The following SLC27A6 variants were observed in gnomAD, a reference collection of about 807,000 sequenced individuals.
SLC27A6 encodes long-chain fatty acid transport protein 6.
In SLC27A6, 74 loss-of-function variants were observed where a neutral mutation model predicts 63.9. The observed-to-expected ratio is 1.16, with a 90% CI of 0.96 to 1.40. The LOEUF is 1.40. Ranked by LOEUF, SLC27A6 falls within the 40% of genes most tolerant of loss-of-function variation. The probability of loss-of-function intolerance (pLI) is 0.00; values close to 1 mark genes in which losing one functional copy is unlikely to be tolerated. For missense variants in SLC27A6, 794 were observed against 732.9 expected, an observed-to-expected ratio of 1.08 and a Z score of -0.96; for synonymous variants, 287 against 260.8, an observed-to-expected ratio of 1.10 and a Z score of -0.97.
At chr5:128,967,045 A>G (rs1305664395) in intron 1 of SLC27A6, among the ~76,000 whole-genome samples, 1 of 152,186 alleles carries the variant, frequency 6.6e-6, no homozygotes, top group Non-Finnish European at 1.5e-5. Context: ...GTTTAAAGGA[A>G]GGTACCTGAA....
At chr5:128,983,063 T>C (rs1409196347) in intron 1 of SLC27A6, among the ~76,000 whole-genome samples, 3 of 152,168 alleles carry the variant, frequency 2.0e-5, no homozygotes, top group Admixed American at 1.3e-4. Context: ...ATGTATTTCA[T>C]TGTAGTAGAA....
In SLC27A6 at chr5:129,033,542, T is replaced by C. The variant is rs142110576; in HGVS notation, c.*260T>C. 1.1e-3 allele frequency: 206 copies of C among 182,750 alleles called. 4 individuals carry two copies. In the East Asian group the frequency reaches 0.024, roughly 21 times the overall value. The allele number at this position is 182,750 out of a possible 1,614,324, so 11.3% of individuals were successfully genotyped here. ...CCTTAATACTAAAGATTTTAAATAA[T>C]AAATAGTGGCTAGCGGTTTGGACAA... is the stretch of plus-strand genomic sequence containing the variant. On this transcript the variant is annotated 3_prime_UTR_variant, in exon 10 of 10. Transcript: ENST00000262462.
At chr5:128,985,038 C>T in intron 1 of SLC27A6, 95 bp from the exon 2 acceptor site, 1 of 781,242 alleles carries the variant, frequency 1.3e-6, no homozygotes. Context: ...ATTTTATTTA[C>T]ATTTTATCCC....
intron 8 of SLC27A6, among the ~76,000 whole-genome samples, chr5:129,029,264 T>A: frequency 6.6e-6 from 1 of 152,198 alleles, no homozygotes; most frequent in African/African-American, 2.4e-5. Flanking sequence ...TAAATAAATG[T>A]TTTCTTTCTT....
intron 4 of SLC27A6, among the ~76,000 whole-genome samples, chr5:129,009,576 A>T (rs1010694105): frequency 1.3e-5 from 2 of 152,192 alleles, no homozygotes; most frequent in Non-Finnish European, 2.9e-5. Context: ...TTCATTCCTT[A>T]TAAATAATAA....
intron 1 of SLC27A6, among the ~76,000 whole-genome samples, chr5:128,984,737 G>A (rs931112544): frequency 3.3e-5 from 5 of 152,224 alleles, no homozygotes; most frequent in African/African-American, 1.2e-4. Flanking sequence ...GAACTGAAGA[G>A]TAACCTGCAG....
chr5:128,971,060 G>A (rs36171961), intron 1 of SLC27A6, among the ~76,000 whole-genome samples: 36,614 of 152,042 alleles, frequency 0.24, 4,949 homozygotes, highest in Middle Eastern at 0.33. Flanking sequence ...CCATGTAGTT[G>A]TGCGGTTTTG....
chr5:128,972,321 AG>A (rs1750202202), intron 1 of SLC27A6, among the ~76,000 whole-genome samples: 1 of 152,112 alleles, frequency 6.6e-6, no homozygotes, highest in Non-Finnish European at 1.5e-5. Flanking sequence ...CTTGCTAGGT[AG>A]GGTAAGTTCT....
At position 129,009,798 on chromosome 5, in the gene SLC27A6, C is replaced by G. The variant is rs1364746337; in HGVS notation, c.970-6087C>G. On this transcript the variant is annotated intron_variant, in intron 4 of 9. Transcript: ENST00000262462. ...CAAGCAATTCTCCTGCCTCAGCCTC[C>G]TGAGTAGCTGGGACTACAGGTGCAC... Among the ~76,000 whole-genome samples the G allele has an allele frequency of 4.6e-5, 7 of 152,178 alleles. No homozygotes were observed. In the South Asian group the frequency reaches 1.2e-3, roughly 27 times the overall value.
At chr5:128,974,522 T>G (rs764164575) in intron 1 of SLC27A6, among the ~76,000 whole-genome samples, 2 of 152,224 alleles carry the variant, frequency 1.3e-5, no homozygotes, top group African/African-American at 2.4e-5. Context: ...AAATACTGTG[T>G]TGTTGGCATC....
chr5:129,018,192 C>G (rs1751970422), intron 5 of SLC27A6, among the ~76,000 whole-genome samples: 1 of 152,042 alleles, frequency 6.6e-6, no homozygotes, highest in African/African-American at 2.4e-5. Flanking sequence ...TTTAAGAATC[C>G]CATAATGCGA....
At chr5:128,984,110 T>C (rs1750705292) in intron 1 of SLC27A6, among the ~76,000 whole-genome samples, 1 of 152,166 alleles carries the variant, frequency 6.6e-6, no homozygotes, top group Admixed American at 6.5e-5. Flanking sequence ...AAAGTTGAAC[T>C]TCATGTCAGA....
At position 128,990,319 on chromosome 5, in the gene SLC27A6, TG is replaced by T; in HGVS notation, c.845-20del. 2.5e-6 allele frequency: 4 copies of T among 1,605,972 alleles called. No homozygotes were observed. The highest frequency in any genetic ancestry group is 3.4e-6 in the Non-Finnish European group (4 of 1,177,950). Reference sequence around the variant, plus strand: ...CCTTTGAATTTTTTTCCCTAGTGCCTGTTTTTGTCTTTTCTTATAGGTGCCA... The same window carrying T: ...CCTTTGAATTTTTTTCCCTAGTGCCTTTTTTGTCTTTTCTTATAGGTGCCA... On this transcript the variant is annotated intron_variant, in intron 3 of 9. Transcript: ENST00000262462.
chr5:129,022,575 C>G (rs1752109625), intron 5 of SLC27A6, among the ~76,000 whole-genome samples: 1 of 152,028 alleles, frequency 6.6e-6, no homozygotes, highest in Admixed American at 6.6e-5. Context: ...ATTATTTTAT[C>G]TCACTTCATT....
At chr5:128,995,655 C>T (rs893513864) in intron 4 of SLC27A6, among the ~76,000 whole-genome samples, 1 of 151,912 alleles carries the variant, frequency 6.6e-6, no homozygotes, top group Admixed American at 6.6e-5. Context: ...GGGAGGTTGC[C>T]GTCATGACAG....
chr5:128,974,340 G>A (rs1750301547), intron 1 of SLC27A6, among the ~76,000 whole-genome samples: 1 of 152,198 alleles, frequency 6.6e-6, no homozygotes, highest in Non-Finnish European at 1.5e-5. Context: ...TTTAAGCCAA[G>A]ACTATTTAGT....
intron 1 of SLC27A6, among the ~76,000 whole-genome samples, chr5:128,978,971 A>G (rs921476690): frequency 1.3e-5 from 2 of 152,112 alleles, no homozygotes; most frequent in African/African-American, 4.8e-5. Context: ...CCTAGGAGCG[A>G]TAGGCTATAT....
rs548302087 is a variant in SLC27A6, at chr5:128,976,135, A to G, written c.482-8998A>G. On this transcript the variant is annotated intron_variant, in intron 1 of 9. Transcript: ENST00000262462. The stretch of plus-strand genomic sequence containing the variant: ...AAAGTAAAACAGATACCATGTATGG[A>G]TATCATAGTATGTAGGTAAGATAAT... Among the ~76,000 whole-genome samples the G allele has an allele frequency of 9.8e-5, 15 of 152,324 alleles. No homozygotes were observed. The East Asian group carries it at 2.9e-3, about 29-fold the overall frequency.
intron 1 of SLC27A6, among the ~76,000 whole-genome samples, chr5:128,973,572 A>G (rs2577439): frequency 0.24 from 36,516 of 151,982 alleles, 4,896 homozygotes; most frequent in Middle Eastern, 0.33. Flanking sequence ...TGTGGGACCC[A>G]CCAAGCCAGG....
Sources: gnomAD v4.1 joint callset for allele counts (sites outside exome capture counted in the v4.1 genomes callset) on GRCh38, gnomAD v4.1.1 for gene constraint, MANE v1.5 for transcripts, NCBI Gene and HGNC (gene_info 2026-07-23, HGNC 2026-07-21) for gene names.